The following KCNG2 variants were observed in gnomAD, a reference collection of about 807,000 sequenced individuals.
KCNG2 encodes the protein voltage-gated potassium channel regulatory subunit KCNG2.
KCNG2 carries 7 observed loss-of-function variants against 12.3 expected under a neutral mutation model. The ratio of observed to expected loss-of-function variants is 0.57; its 90% CI spans 0.32 to 1.07. The LOEUF (loss-of-function observed/expected upper bound fraction) is 1.07. KCNG2 is among the 50% of genes least tolerant of loss of function. The pLI is 0.04. For missense variants in KCNG2, 703 were observed against 726.0 expected, an observed-to-expected ratio of 0.97 and a Z score of 0.36; for synonymous variants, 414 against 351.4, an observed-to-expected ratio of 1.18 and a Z score of -1.99.
At chr18:79,812,844 G>A (rs1235351563) in intron 1 of KCNG2, among the ~76,000 whole-genome samples, 1 of 152,156 alleles carries the variant, frequency 6.6e-6, no homozygotes, top group Non-Finnish European at 1.5e-5. Context: ...CTGGGTGATA[G>A]AGCGAGACTC....
intron 1 of KCNG2, among the ~76,000 whole-genome samples, chr18:79,798,280 G>C (rs2087379296): frequency 6.6e-6 from 1 of 151,758 alleles, no homozygotes; most frequent in Non-Finnish European, 1.5e-5. Flanking sequence ...TCCGGGAGTC[G>C]AGGGGGGCGT....
intron 1 of KCNG2, among the ~76,000 whole-genome samples, chr18:79,799,603 C>T (rs1209830991): frequency 6.6e-6 from 1 of 152,230 alleles, no homozygotes; most frequent in Non-Finnish European, 1.5e-5. Flanking sequence ...TGTCCAAGGC[C>T]AGTGCCAGTT....
intron 3 of KCNG2, among the ~76,000 whole-genome samples, chr18:79,883,101 C>T (rs1980382398): frequency 6.6e-6 from 1 of 152,236 alleles, no homozygotes; most frequent in Non-Finnish European, 1.5e-5. Context: ...ATCCACGGTG[C>T]GCGGTGAAAA....
chr18:79,891,627 G>A (rs1451367482), intron 3 of KCNG2, among the ~76,000 whole-genome samples: 1 of 152,042 alleles, frequency 6.6e-6, no homozygotes, highest in East Asian at 1.9e-4. Flanking sequence ...TTTCTTGGTT[G>A]GCCTCTTTGA....
intron 2 of KCNG2, among the ~76,000 whole-genome samples, chr18:79,862,570 C>T (rs1205647961): frequency 1.3e-5 from 2 of 152,184 alleles, no homozygotes; most frequent in Non-Finnish European, 2.9e-5. Flanking sequence ...TTTTTCCCGG[C>T]ATGTGCGCAG....
chr18:79,843,322 CA>C (rs1436960226), intron 1 of KCNG2, among the ~76,000 whole-genome samples: 14 of 152,138 alleles, frequency 9.2e-5, no homozygotes, highest in Admixed American at 6.5e-4. Flanking sequence ...AGTTTATCAC[CA>C]CTAAATCTGC....
In KCNG2 at chr18:79,864,022, T is replaced by TGCCTGCGCC. The variant is rs756626447; in HGVS notation, c.368_376dup (p.Leu123_Arg125dup). On this transcript the variant is annotated inframe_insertion, in exon 3 of 4. Transcript: ENST00000316249. Reference sequence around the variant, plus strand: ...CGACGAGGCGCGCCTGGAGCGCTGCTGCCTGCGCCGCCTGCGCCGCCGCGA... The same window carrying TGCCTGCGCC: ...CGACGAGGCGCGCCTGGAGCGCTGCTGCCTGCGCCGCCTGCGCCGCCTGCGCCGCCGCGA... 20 of 1,160,444 alleles carry TGCCTGCGCC rather than the reference T, an allele frequency of 1.7e-5. No individual in the cohort carries two copies. The highest frequency in any genetic ancestry group is 8.1e-5 in the South Asian group (2 of 24,804). The allele number at this position is 1,160,444 out of a possible 1,614,324, so 71.9% of individuals were successfully genotyped here.
At chr18:79,827,621 G>A (rs575345462) in intron 1 of KCNG2, among the ~76,000 whole-genome samples, 77 of 152,266 alleles carry the variant, frequency 5.1e-4, no homozygotes, top group African/African-American at 1.8e-3. Context: ...AGGATGGAGC[G>A]GGAAGCGCGG....
In KCNG2 at chr18:79,851,092, C is replaced by T. The variant is rs534027771; in HGVS notation, c.-114-5287C>T. 3.3e-5 allele frequency among the ~76,000 whole-genome samples: 5 copies of T among 152,204 alleles called. No individual in the cohort carries two copies. The South Asian group carries it at 1.0e-3, about 32-fold the overall frequency. On this transcript the variant is annotated intron_variant, in intron 1 of 3. Transcript: ENST00000316249. The stretch of plus-strand genomic sequence containing the variant: ...GTTTATTAAGAAAGTAAAGGTGAAT[C>T]GGCAGCTGCTGCATAGACAGAGCAG...
intron 1 of KCNG2, among the ~76,000 whole-genome samples, chr18:79,810,940 A>G (rs1344388852): frequency 6.6e-6 from 1 of 152,244 alleles, no homozygotes; most frequent in Non-Finnish European, 1.5e-5. Context: ...GTTGTATACT[A>G]GCAATGAAAA....
intron 1 of KCNG2, among the ~76,000 whole-genome samples, chr18:79,854,482 T>TC (rs1216153492): frequency 6.6e-6 from 1 of 151,672 alleles, no homozygotes; most frequent in Non-Finnish European, 1.5e-5. Context: ...CCTCCTGCCT[T>TC]CCGTAAGGCT....
intron 1 of KCNG2, among the ~76,000 whole-genome samples, chr18:79,844,756 C>T (rs1215306589): frequency 6.6e-6 from 1 of 152,236 alleles, no homozygotes; most frequent in East Asian, 1.9e-4. Flanking sequence ...ATATCAAGTG[C>T]TGGCAAGGAT....
chr18:79,804,953 C>T (rs1463023375), intron 1 of KCNG2, among the ~76,000 whole-genome samples: 2 of 152,192 alleles, frequency 1.3e-5, no homozygotes, highest in African/African-American at 2.4e-5. Flanking sequence ...ACCACACACA[C>T]GCACACACAC....
chr18:79,900,036 A>C lies in KCNG2; in HGVS notation c.*220A>C, dbSNP rs553007399. 2.7e-6 allele frequency: 1 copy of C among 373,348 alleles called. No individual in the cohort carries two copies. The highest frequency in any genetic ancestry group is 4.0e-5 in the East Asian group (1 of 24,804). 23.1% of individuals were successfully genotyped at this position (373,348 alleles called of 1,614,324 possible). A position where few individuals can be genotyped will look rare whatever the true frequency, so the allele number is the denominator to read the frequency against. ...TCACTGGCCTTTGTCCTCCTGCCCC[A>C]CCCCTTTCCTTGGATTTTTAATTTT... On this transcript the variant is annotated 3_prime_UTR_variant, in exon 4 of 4. Coordinates refer to ENST00000316249, the MANE Select transcript of KCNG2 (RefSeq NM_012283.2).
At chr18:79,806,968 A>G (rs2087454243) in intron 1 of KCNG2, among the ~76,000 whole-genome samples, 1 of 152,204 alleles carries the variant, frequency 6.6e-6, no homozygotes, top group South Asian at 2.1e-4. Flanking sequence ...GGGGTCTCAG[A>G]TTTCCACCAG....
intron 3 of KCNG2, among the ~76,000 whole-genome samples, chr18:79,874,448 G>T (rs1024856802): frequency 2.0e-5 from 3 of 152,238 alleles, no homozygotes; most frequent in Non-Finnish European, 2.9e-5. Context: ...CACACTTACT[G>T]CGCGTCAGTC....
At chr18:79,798,381 C>T (rs1356770427) in intron 1 of KCNG2, among the ~76,000 whole-genome samples, 1 of 152,084 alleles carries the variant, frequency 6.6e-6, no homozygotes, top group East Asian at 1.9e-4. Flanking sequence ...GCTGGTCCTG[C>T]GGGAGCCCGG....
intron 1 of KCNG2, among the ~76,000 whole-genome samples, chr18:79,848,841 C>A (rs1329810795): frequency 2.0e-5 from 3 of 152,200 alleles, no homozygotes; most frequent in Non-Finnish European, 4.4e-5. Context: ...GGAAGAGCCT[C>A]CTCCCTGAGG....
intron 1 of KCNG2, among the ~76,000 whole-genome samples, chr18:79,801,055 C>T (rs985396363): frequency 5.3e-5 from 8 of 152,108 alleles, no homozygotes; most frequent in Non-Finnish European, 7.4e-5. Context: ...TGCGGATGTC[C>T]GGGGCGGCCA....
Sources: gnomAD v4.1 joint callset for allele counts (sites outside exome capture counted in the v4.1 genomes callset) on GRCh38, gnomAD v4.1.1 for gene constraint, MANE v1.5 for transcripts, NCBI Gene and HGNC (gene_info 2026-07-23, HGNC 2026-07-21) for gene names.